Variants in ZNF44 observed in about 807,000 individuals in gnomAD.
The protein encoded by ZNF44 is gonadotropin inducible transcription repressor-2.
In ZNF44, 9 loss-of-function variants were observed where a neutral mutation model predicts 11.7. The observed-to-expected ratio is 0.77, with a 90% CI of 0.46 to 1.35. The LOEUF is 1.35. Ranked by LOEUF, ZNF44 falls within the 40% of genes most tolerant of loss-of-function variation. The pLI, the probability that ZNF44 is intolerant of heterozygous loss-of-function variation, is 0.00. For synonymous variants in ZNF44, 224 were observed against 242.7 expected (o/e 0.92, Z 0.72); for missense variants, 696 against 743.1 (o/e 0.94, Z 0.74).
intron 2 of ZNF44, among the ~76,000 whole-genome samples, chr19:12,232,858 T>C (rs2145676487): frequency 6.6e-6 from 1 of 152,242 alleles, no homozygotes; most frequent in African/African-American, 2.4e-5. Context: ...ATTCCCACAG[T>C]ACCATTGTCA....
In ZNF44 at chr19:12,273,191, T is replaced by C; in HGVS notation, c.1064A>G (p.His355Arg). 6.2e-7 allele frequency: 1 copy of C among 1,613,978 alleles called. No individual in the cohort carries two copies. Among genetic ancestry groups the C allele is most frequent in the Non-Finnish European group, 8.5e-7 (1 of 1,179,916 alleles). ...TTTCTCTAGAGTGTGAGTTCCTTCA[T>C]GAATTCGTGCTGAACCAGGAAAATC... ...GFDFPGSARI[H>R]EGTHTLEKPY... The change falls in exon 4 of 4, where the codon CAT becomes CGT. Residue 355 changes from histidine (H) to arginine (R), a missense_variant. By Grantham distance (29) the His-to-Arg change is conservative. Coordinates refer to ENST00000355684, the MANE Select transcript of ZNF44 (RefSeq NM_016264.4).
chr19:12,283,684 G>A (rs1240399620), intron 1 of ZNF44, among the ~76,000 whole-genome samples: 1 of 152,166 alleles, frequency 6.6e-6, no homozygotes, highest in East Asian at 1.9e-4. Context: ...AAATAAAGTA[G>A]CTTCCAAAGG....
intron 1 of ZNF44, among the ~76,000 whole-genome samples, chr19:12,288,085 C>T (rs1202002077): frequency 4.6e-5 from 7 of 152,150 alleles, no homozygotes; most frequent in Non-Finnish European, 7.3e-5. Context: ...AATGCTGACA[C>T]CACTTAACAT....
chr19:12,259,608 C>T (rs1369115295), intron 5 of ZNF44, among the ~76,000 whole-genome samples: 1 of 151,930 alleles, frequency 6.6e-6, no homozygotes, highest in African/African-American at 2.4e-5. Context: ...GAGGGTGTGT[C>T]CTCTCTAACC....
downstream of ZNF44, among the ~76,000 whole-genome samples, chr19:12,269,592 G>A (rs968519458): frequency 7.9e-5 from 12 of 152,108 alleles, no homozygotes; most frequent in African/African-American, 2.9e-4. Context: ...TGAACTCCTG[G>A]CCTCAAGCGA....
Position 12,272,503 on chromosome 19 carries a change from T to C in ZNF44, c.1752A>G (p.Gly584=). The change falls in exon 4 of 4, where the codon GGA becomes GGG. Residue 584 remains glycine (G), a synonymous_variant. Coordinates refer to ENST00000355684, the MANE Select transcript of ZNF44 (RefSeq NM_016264.4). ...FCREHERTHT[G]EKPYECKECG... is the part of the protein sequence containing the mutation. ...ATTCCTTACATTCATAGGGCTTCTC[T>C]CCAGTGTGAGTTCTTTCATGTTCTC... The C allele has an allele frequency of 6.2e-7, 1 of 1,613,052 alleles. No individual in the cohort carries two copies. Among genetic ancestry groups the C allele is most frequent in the Non-Finnish European group, 8.5e-7 (1 of 1,179,664 alleles).
At chr19:12,235,298 G>C (rs1234828574) in intron 1 of ZNF44, among the ~76,000 whole-genome samples, 1 of 152,208 alleles carries the variant, frequency 6.6e-6, no homozygotes, top group Non-Finnish European at 1.5e-5. Context: ...GAACCTGGGA[G>C]GCGGAGCTTG....
chr19:12,242,505 G>A (rs559867862), upstream of ZNF44, among the ~76,000 whole-genome samples: 11 of 137,206 alleles, frequency 8.0e-5, no homozygotes, highest in African/African-American at 1.2e-4. Flanking sequence ...GCGAGACTCC[G>A]GCTCAAAAAA....
At chr19:12,264,741 G>C (rs537560911) in intron 5 of ZNF44, among the ~76,000 whole-genome samples, 1 of 151,992 alleles carries the variant, frequency 6.6e-6, no homozygotes, top group Non-Finnish European at 1.5e-5. Flanking sequence ...TGTCACCCAG[G>C]TTGGAGTGCA....
chr19:12,251,749 G>C (rs1187678509), intron 5 of ZNF44, among the ~76,000 whole-genome samples: 2 of 152,112 alleles, frequency 1.3e-5, no homozygotes, highest in African/African-American at 4.8e-5. Flanking sequence ...TTGAGGAACA[G>C]GTTAAGATTT....
At chr19:12,260,542 C>T (rs1440568166) in intron 5 of ZNF44, 3 of 877,076 alleles carry the variant, frequency 3.4e-6, no homozygotes, top group East Asian at 2.6e-5. Context: ...TCCTGAGCCC[C>T]CTGCCCCCAA....
intron 1 of ZNF44, among the ~76,000 whole-genome samples, chr19:12,279,567 A>ATCACC (rs79995882): frequency 0.39 from 58,711 of 151,344 alleles, 12,571 homozygotes; most frequent in African/African-American, 0.59. Flanking sequence ...TTTGAGATAA[A>ATCACC]TCTGAGAAAC....
At position 12,273,938 on chromosome 19, in the gene ZNF44, C is replaced by G; in HGVS notation, c.317G>C (p.Ser106Thr). 1 of 1,614,176 alleles carries G rather than the reference C, an allele frequency of 6.2e-7. No homozygotes were observed. The change falls in exon 4 of 4, where the codon AGT becomes ACT. Residue 106 changes from serine (S) to threonine (T), a missense_variant. Ser to Thr is a moderately conservative substitution (Grantham distance 58). Transcript: ENST00000355684. ...ACCCATTATGACTTCTCCATTCACA[C>G]TGCTTCCACATGCATCTACTCTGGC... is the stretch of plus-strand genomic sequence containing the variant. Reference protein sequence around the residue: ...TPARVDACGSSVNGEVIMGHS... With the variant: ...TPARVDACGSTVNGEVIMGHS...
chr19:12,270,380 C>T (rs752053600), downstream of ZNF44, among the ~76,000 whole-genome samples: 2 of 151,850 alleles, frequency 1.3e-5, no homozygotes, highest in Non-Finnish European at 2.9e-5. Flanking sequence ...TGCCTTCTAA[C>T]ACTGTTATCG....
chr19:12,256,475 C>A (rs1828937), intron 5 of ZNF44, among the ~76,000 whole-genome samples: 1 of 151,818 alleles, frequency 6.6e-6, no homozygotes, highest in Non-Finnish European at 1.5e-5. Flanking sequence ...ACAGAGAGAT[C>A]CTGTCTCAAA....
intron 1 of ZNF44, among the ~76,000 whole-genome samples, chr19:12,288,896 C>G (rs1318961323): frequency 6.7e-6 from 1 of 150,272 alleles, no homozygotes; most frequent in East Asian, 2.0e-4. Context: ...GACATCAATT[C>G]TGGCTCCCGC....
intron 5 of ZNF44, among the ~76,000 whole-genome samples, chr19:12,253,486 G>A (rs2438566): frequency 0.063 from 9,599 of 152,088 alleles, 1,034 homozygotes; most frequent in African/African-American, 0.22. Context: ...CACTGTACCC[G>A]CCCAAGGAGT....
At chr19:12,293,364 A>G (rs201588914) in intron 1 of ZNF44, 79 of 1,536,650 alleles carry the variant, frequency 5.1e-5, no homozygotes, top group East Asian at 3.7e-4. Context: ...AGAAAGTTCC[A>G]TAACACAGGG....
chr19:12,249,741 G>A (rs957259867), intron 7 of ZNF44, among the ~76,000 whole-genome samples: 1 of 151,924 alleles, frequency 6.6e-6, no homozygotes, highest in Non-Finnish European at 1.5e-5. Context: ...TAGTAGAGAT[G>A]GGGTTTCTCC....
Sources: allele counts gnomAD v4.1 joint callset (sites outside exome capture counted in the v4.1 genomes callset), GRCh38; gene constraint gnomAD v4.1.1; transcripts MANE v1.5; gene names NCBI Gene and HGNC (gene_info 2026-07-23, HGNC 2026-07-21).